The following INSM1 variants were observed in gnomAD, a reference collection of about 807,000 sequenced individuals.
INSM1 encodes the protein INSM transcriptional repressor 1.
In INSM1, 11 loss-of-function variants were observed where a neutral mutation model predicts 21.1. The observed-to-expected ratio is 0.52, with a 90% CI of 0.33 to 0.86. The LOEUF (loss-of-function observed/expected upper bound fraction) is 0.86. Ranked by LOEUF, INSM1 falls within the 40% of genes least tolerant of loss-of-function variation. The probability of loss-of-function intolerance (pLI) is 0.03; values close to 1 mark genes in which losing one functional copy is unlikely to be tolerated. For missense variants in INSM1, 843 were observed against 760.1 expected (o/e 1.11, Z -1.28); for synonymous variants, 473 against 386.1 (o/e 1.23, Z -2.64).
Position 20,368,693 on chromosome 20 carries a change from CGGCGGCGGCGCGAGCGGAGCTGGCGGA to C in INSM1, c.433_459del (p.Gly145_Gly153del). On this transcript the variant is annotated inframe_deletion, in exon 1 of 1. Coordinates refer to ENST00000310227, the MANE Select transcript of INSM1 (RefSeq NM_002196.3). The surrounding 1 kb of genome is among the most constrained non-coding windows in gnomAD (Gnocchi z 4.3). ...CCGCCGCGCTGCTCGGAGGGGGCGGCGGCGGCGGCGCGAGCGGAGCTGGCGGAGGCGGCACCTGCGGCGGCGACCCGC... is the reference window on the plus strand; with the variant it reads ...CCGCCGCGCTGCTCGGAGGGGGCGGCGGCGGCACCTGCGGCGGCGACCCGC... 7.7e-7 allele frequency: 1 copy of C among 1,293,464 alleles called. No individual in the cohort carries two copies. The highest frequency in any genetic ancestry group is 9.9e-7 in the Non-Finnish European group (1 of 1,006,400). 80.1% of individuals were successfully genotyped at this position (1,293,464 alleles called of 1,614,324 possible). A position where few individuals can be genotyped will look rare whatever the true frequency, so the allele number is the denominator to read the frequency against.
rs201280847 is a variant in INSM1, at chr20:20,369,771, C to T, written c.1504C>T (p.Leu502=). ...ATCCGAAAACAGACAGGTGATCCTC[C>T]TGCAGGTGCCCGTGCGCCCGGCCTG... The part of the protein sequence containing the change: ...HPSENRQVIL[L]QVPVRPAC The change falls in exon 1 of 1, where the codon CTG becomes TTG. Residue 502 remains leucine, a synonymous_variant. Transcript: ENST00000310227. The surrounding 1 kb of genome is among the most constrained non-coding windows in gnomAD (Gnocchi z 5.6). 2 of 1,600,528 alleles carry T rather than the reference C, an allele frequency of 1.2e-6. No homozygotes were observed. Among genetic ancestry groups the T allele is most frequent in the African/African-American group, 2.7e-5 (2 of 74,634 alleles).
chr20:20,370,016 T>G lies in INSM1; in HGVS notation c.*216T>G. 1.9e-6 allele frequency: 1 copy of G among 531,456 alleles called. No individual in the cohort carries two copies. Among genetic ancestry groups the G allele is most frequent in the South Asian group, 3.1e-5 (1 of 32,526 alleles). 32.9% of individuals were successfully genotyped at this position (531,456 alleles called of 1,614,324 possible). A position where few individuals can be genotyped will look rare whatever the true frequency, so the allele number is the denominator to read the frequency against. ...TTGGAACCCCCACTTTTACGTTGTGTCCCTCCGCCTCCCCCATGGCGCAAC... is the reference window on the plus strand; with the variant it reads ...TTGGAACCCCCACTTTTACGTTGTGGCCCTCCGCCTCCCCCATGGCGCAAC... On this transcript the variant is annotated 3_prime_UTR_variant, in exon 1 of 1. Transcript: ENST00000310227.
rs766078029 is a variant in INSM1, at chr20:20,368,669, C to A, written c.402C>A (p.Pro134=). The change falls in exon 1 of 1, where the codon CCC becomes CCA. Residue 134 remains proline (P), a synonymous_variant. Coordinates refer to ENST00000310227, the MANE Select transcript of INSM1 (RefSeq NM_002196.3). This position sits in a 1 kb window ranked among gnomAD's most constrained non-coding sequence, Gnocchi z 4.3. ...SPVSAESFPT[P]AALLGGGGGG... Reference sequence around the variant, plus strand: ...TCTCGGCCGAGTCCTTCCCCACGCCCGCCGCGCTGCTCGGAGGGGGCGGCG... The same window carrying A: ...TCTCGGCCGAGTCCTTCCCCACGCCAGCCGCGCTGCTCGGAGGGGGCGGCG... 2 of 1,395,616 alleles carry A rather than the reference C, an allele frequency of 1.4e-6. No individual in the cohort carries two copies. Among genetic ancestry groups the A allele is most frequent in the Non-Finnish European group, 1.9e-6 (2 of 1,056,490 alleles). 86.5% of individuals were successfully genotyped at this position (1,395,616 alleles called of 1,614,324 possible). A position where few individuals can be genotyped will look rare whatever the true frequency, so the allele number is the denominator to read the frequency against.
chr20:20,368,506 C>A lies in INSM1; in HGVS notation c.239C>A (p.Pro80Gln), dbSNP rs1327756617. 2 of 1,212,224 alleles carry A rather than the reference C, an allele frequency of 1.6e-6. No individual in the cohort carries two copies. Among genetic ancestry groups the A allele is most frequent in the Non-Finnish European group, 1.0e-6 (1 of 959,368 alleles). 75.1% of individuals were successfully genotyped at this position (1,212,224 alleles called of 1,614,324 possible). The change falls in exon 1 of 1, where the codon CCG becomes CAG. Residue 80 changes from proline to glutamine, a missense_variant. Pro to Gln is a moderately conservative substitution (Grantham distance 76, BLOSUM62 -1). Coordinates refer to ENST00000310227, the MANE Select transcript of INSM1 (RefSeq NM_002196.3). This position sits in a 1 kb window ranked among gnomAD's most constrained non-coding sequence, Gnocchi z 4.3. ...LACAPGPQPPPQGPRAAHFGN... is the reference protein window; with the variant it reads ...LACAPGPQPPQQGPRAAHFGN... Reference sequence around the variant, plus strand: ...TGCGCGCCTGGGCCGCAGCCACCCCCGCAGGGCCCGCGGGCCGCGCACTTC... The same window carrying A: ...TGCGCGCCTGGGCCGCAGCCACCCCAGCAGGGCCCGCGGGCCGCGCACTTC...
Position 20,369,913 on chromosome 20 carries a change from C to G in INSM1, c.*113C>G. 1.1e-6 allele frequency: 1 copy of G among 889,784 alleles called. No homozygotes were observed. Among genetic ancestry groups the G allele is most frequent in the Non-Finnish European group, 1.7e-6 (1 of 595,244 alleles). 55.1% of individuals were successfully genotyped at this position (889,784 alleles called of 1,614,324 possible). A position where few individuals can be genotyped will look rare whatever the true frequency, so the allele number is the denominator to read the frequency against. On this transcript the variant is annotated 3_prime_UTR_variant, in exon 1 of 1. Coordinates refer to ENST00000310227, the MANE Select transcript of INSM1 (RefSeq NM_002196.3). This position sits in a 1 kb window ranked among gnomAD's most constrained non-coding sequence, Gnocchi z 5.6. ...CGCGCTGGGGGAGCCTCGCCCCCGC[C>G]CCCACCGGGTGAAAGTGTCGTCTCC...
rs2059494356 is a variant in INSM1 at position 20,370,032 on chromosome 20, A to G, written c.*232A>G. 6.0e-6 allele frequency: 3 copies of G among 499,086 alleles called. No homozygotes were observed. The highest frequency in any genetic ancestry group is 3.9e-5 in the Admixed American group (1 of 25,914). The allele number at this position is 499,086 out of a possible 1,614,324, so 30.9% of individuals were successfully genotyped here. A position where few individuals can be genotyped will look rare whatever the true frequency, so the allele number is the denominator to read the frequency against. ...TACGTTGTGTCCCTCCGCCTCCCCC[A>G]TGGCGCAACAGGAGTCAGTCTCTTT... On this transcript the variant is annotated 3_prime_UTR_variant, in exon 1 of 1. Coordinates refer to ENST00000310227, the MANE Select transcript of INSM1 (RefSeq NM_002196.3).
In INSM1 at chr20:20,369,697, C is replaced by T. The variant is rs143026654; in HGVS notation, c.1430C>T (p.Thr477Ile). ...TTCCCCTGCAAGTACTGCCCGGCCA[C>T]CTTCTACAGCTCGCCCGGCCTTACG... The part of the protein sequence containing the change: ...QVFPCKYCPA[T>I]FYSSPGLTRH... The change falls in exon 1 of 1, where the codon ACC becomes ATC. Residue 477 changes from threonine to isoleucine, a missense_variant. By Grantham distance (89) the Thr-to-Ile change is moderately conservative. Transcript: ENST00000310227. The surrounding 1 kb of genome is among the most constrained non-coding windows in gnomAD (Gnocchi z 5.6). The T allele has an allele frequency of 1.0e-5, 16 of 1,600,854 alleles. No individual in the cohort carries two copies. In the African/African-American group the frequency reaches 1.3e-4, roughly 13 times the overall value.
chr20:20,368,202 G>A lies in INSM1; in HGVS notation c.-66G>A. ...GCCCGGGCAATGGGCCGGGGGCACT[G>A]AGGGCCGCCGGGGCCGAGCGCGGAG... On this transcript the variant is annotated 5_prime_UTR_variant, in exon 1 of 1. It removes the in-frame stop codon of an upstream open reading frame in the 5' UTR. Transcript: ENST00000310227. This position sits in a 1 kb window ranked among gnomAD's most constrained non-coding sequence, Gnocchi z 4.3. 1 of 1,045,224 alleles carries A rather than the reference G, an allele frequency of 9.6e-7. No individual in the cohort carries two copies. 64.7% of individuals were successfully genotyped at this position (1,045,224 alleles called of 1,614,324 possible).
rs746414893 is a variant in INSM1, at chr20:20,368,687, GGGC to G, written c.434_436del (p.Gly145del). 349 of 1,308,246 alleles carry G rather than the reference GGGC, an allele frequency of 2.7e-4. No individual in the cohort carries two copies. The highest frequency in any genetic ancestry group is 1.3e-3 in the South Asian group (70 of 52,960). The allele number at this position is 1,308,246 out of a possible 1,614,324, so 81.0% of individuals were successfully genotyped here. On this transcript the variant is annotated inframe_deletion, in exon 1 of 1. Coordinates refer to ENST00000310227, the MANE Select transcript of INSM1 (RefSeq NM_002196.3). The surrounding 1 kb of genome is among the most constrained non-coding windows in gnomAD (Gnocchi z 4.3). ...CCACGCCCGCCGCGCTGCTCGGAGG[GGGC>G]GGCGGCGGCGGCGCGAGCGGAGCTG... is the stretch of plus-strand genomic sequence containing the variant.
At position 20,368,374 on chromosome 20, in the gene INSM1, GC is replaced by G; in HGVS notation, c.108del (p.Cys36TrpfsTer71). 1.8e-6 allele frequency: 2 copies of G among 1,098,036 alleles called. No individual in the cohort carries two copies. The highest frequency in any genetic ancestry group is 2.7e-5 in the South Asian group (1 of 36,922). 68.0% of individuals were successfully genotyped at this position (1,098,036 alleles called of 1,614,324 possible). On this transcript the variant is annotated frameshift_variant, in exon 1 of 1. Transcript: ENST00000310227. LOFTEE classifies it low-confidence loss of function (END_TRUNC). The surrounding 1 kb of genome is among the most constrained non-coding windows in gnomAD (Gnocchi z 4.3). ...CGCGCACTGCTGCTCTCGCCCAGCT[GC>G]GGGGGCGCCCGCGCCGAGCCCCCGG... The part of the protein sequence containing the change: ...GDRALLLSPS[C>X]GGARAEPPAP...
Position 20,369,567 on chromosome 20 carries a change from C to G in INSM1, c.1300C>G (p.Leu434Val). 1.3e-6 allele frequency: 2 copies of G among 1,595,486 alleles called. No homozygotes were observed. The highest frequency in any genetic ancestry group is 1.1e-5 in the South Asian group (1 of 90,482). The change falls in exon 1 of 1, where the codon CTG (leucine) becomes GTG (valine). Residue 434 changes from leucine (L) to valine (V), a missense_variant. Leu to Val is a conservative substitution (Grantham distance 32). Coordinates refer to ENST00000310227, the MANE Select transcript of INSM1 (RefSeq NM_002196.3). The surrounding 1 kb of genome is among the most constrained non-coding windows in gnomAD (Gnocchi z 5.6). ...CGGCGAGGGGGCCGGCGTGCTGGGC[C>G]TGAGTGCGTCCGCCGAGTGCCACCT... is the stretch of plus-strand genomic sequence containing the variant. ...GDGEGAGVLG[L>V]SASAECHLCP...
At position 20,368,967 on chromosome 20, in the gene INSM1, G is replaced by T; in HGVS notation, c.700G>T (p.Glu234Ter). The change falls in exon 1 of 1, where the codon GAG becomes TAG. Residue 234 changes from glutamate (E) to a stop codon, truncating the protein, a stop_gained. Coordinates refer to ENST00000310227, the MANE Select transcript of INSM1 (RefSeq NM_002196.3). LOFTEE classifies it high-confidence loss of function. This position sits in a 1 kb window ranked among gnomAD's most constrained non-coding sequence, Gnocchi z 4.3. The stretch of plus-strand genomic sequence containing the variant: ...CATCCGCAAGCTGCACTTCGAGGAC[G>T]AGGTGACCACGTCGCCCGTGCTGGG... ...KAIRKLHFED[E>*]VTTSPVLGLK... 1 of 1,556,124 alleles carries T rather than the reference G, an allele frequency of 6.4e-7. No homozygotes were observed. The highest frequency in any genetic ancestry group is 2.5e-5 in the East Asian group (1 of 39,972).
rs2059482511 is a variant in INSM1, at chr20:20,368,170, C to A, written c.-98C>A. On this transcript the variant is annotated 5_prime_UTR_variant, in exon 1 of 1. Coordinates refer to ENST00000310227, the MANE Select transcript of INSM1 (RefSeq NM_002196.3). The surrounding 1 kb of genome is among the most constrained non-coding windows in gnomAD (Gnocchi z 4.3). ...CGCCGGCGCCACGCGAGTCCCGCAGCCGCCGCGCCCGGGCAATGGGCCGGG... is the reference window on the plus strand; with the variant it reads ...CGCCGGCGCCACGCGAGTCCCGCAGACGCCGCGCCCGGGCAATGGGCCGGG... The A allele has an allele frequency of 3.3e-6, 3 of 919,058 alleles. No individual in the cohort carries two copies. Among genetic ancestry groups the A allele is most frequent in the African/African-American group, 1.8e-5 (1 of 55,748 alleles). The allele number at this position is 919,058 out of a possible 1,614,324, so 56.9% of individuals were successfully genotyped here.
chr20:20,368,739 G>T lies in INSM1; in HGVS notation c.472G>T (p.Asp158Tyr), dbSNP rs1311923595. ...GAGGGGTCGG[D>Y]PLLFAPAELK... ...TGGCGGAGGCGGCACCTGCGGCGGC[G>T]ACCCGCTGCTCTTCGCGCCCGCCGA... Residue 158 changes from aspartate to tyrosine, a missense_variant, in exon 1 of 1, where the codon GAC becomes TAC. Coordinates refer to ENST00000310227, the MANE Select transcript of INSM1 (RefSeq NM_002196.3). This position sits in a 1 kb window ranked among gnomAD's most constrained non-coding sequence, Gnocchi z 4.3. 4 of 1,177,234 alleles carry T rather than the reference G, an allele frequency of 3.4e-6. No individual in the cohort carries two copies. Among genetic ancestry groups the T allele is most frequent in the South Asian group, 3.8e-5 (1 of 26,196 alleles). The allele number at this position is 1,177,234 out of a possible 1,614,324, so 72.9% of individuals were successfully genotyped here. A position where few individuals can be genotyped will look rare whatever the true frequency, so the allele number is the denominator to read the frequency against.
In INSM1 at chr20:20,368,250, C is replaced by A; in HGVS notation, c.-18C>A. On this transcript the variant is annotated 5_prime_UTR_variant, in exon 1 of 1. Coordinates refer to ENST00000310227, the MANE Select transcript of INSM1 (RefSeq NM_002196.3). This position sits in a 1 kb window ranked among gnomAD's most constrained non-coding sequence, Gnocchi z 4.3. Reference sequence around the variant, plus strand: ...GAGGGGGGACCGAGCCAGTGCCGTGCCCTCGGGCCGCGCCAACATGCCCCG... The same window carrying A: ...GAGGGGGGACCGAGCCAGTGCCGTGACCTCGGGCCGCGCCAACATGCCCCG... The A allele has an allele frequency of 8.2e-7, 1 of 1,213,394 alleles. No individual in the cohort carries two copies. Among genetic ancestry groups the A allele is most frequent in the African/African-American group, 1.6e-5 (1 of 61,882 alleles). The allele number at this position is 1,213,394 out of a possible 1,614,324, so 75.2% of individuals were successfully genotyped here. A position where few individuals can be genotyped will look rare whatever the true frequency, so the allele number is the denominator to read the frequency against.
chr20:20,368,163 C>A lies in INSM1; in HGVS notation c.-105C>A. ...GAGCCGTCGCCGGCGCCACGCGAGT[C>A]CCGCAGCCGCCGCGCCCGGGCAATG... On this transcript the variant is annotated 5_prime_UTR_variant, in exon 1 of 1. Transcript: ENST00000310227. The surrounding 1 kb of genome is among the most constrained non-coding windows in gnomAD (Gnocchi z 4.3). 2.3e-6 allele frequency: 2 copies of A among 874,374 alleles called. No homozygotes were observed. Among genetic ancestry groups the A allele is most frequent in the Non-Finnish European group, 2.8e-6 (2 of 718,344 alleles). 54.2% of individuals were successfully genotyped at this position (874,374 alleles called of 1,614,324 possible).
rs2059496644 is a variant in INSM1 at position 20,370,579 on chromosome 20, C to A, written c.*779C>A. 6.0e-6 allele frequency: 1 copy of A among 166,834 alleles called. No homozygotes were observed. The highest frequency in any genetic ancestry group is 2.4e-5 in the African/African-American group (1 of 41,378). The allele number at this position is 166,834 out of a possible 1,614,324, so 10.3% of individuals were successfully genotyped here. On this transcript the variant is annotated 3_prime_UTR_variant, in exon 1 of 1. Transcript: ENST00000310227. ...GATTTATGAGTAATTGTTATTTATTCTTTATTTATTTATATTAATTATGAA... is the reference window on the plus strand; with the variant it reads ...GATTTATGAGTAATTGTTATTTATTATTTATTTATTTATATTAATTATGAA...
Position 20,368,888 on chromosome 20 carries a change from C to T in INSM1, c.621C>T (p.Ala207=), listed in dbSNP as rs1030938566. ...PPGKRPPPPT[A]AEPPAKAVKA... is the part of the protein sequence containing the mutation. ...GAAAGCGGCCCCCGCCCCCTACCGC[C>T]GCGGAGCCGCCCGCCAAGGCAGTCA... Residue 207 remains alanine (A), a synonymous_variant, in exon 1 of 1, where the codon GCC becomes GCT. Coordinates refer to ENST00000310227, the MANE Select transcript of INSM1 (RefSeq NM_002196.3). This position sits in a 1 kb window ranked among gnomAD's most constrained non-coding sequence, Gnocchi z 4.3. The T allele has an allele frequency of 6.8e-7, 1 of 1,466,252 alleles. No individual in the cohort carries two copies. The highest frequency in any genetic ancestry group is 9.0e-7 in the Non-Finnish European group (1 of 1,110,824). The allele number at this position is 1,466,252 out of a possible 1,614,324, so 90.8% of individuals were successfully genotyped here.
rs779926500 is a variant in INSM1, at chr20:20,369,243, G to T, written c.976G>T (p.Ala326Ser). The change falls in exon 1 of 1, where the codon GCC becomes TCC. Residue 326 changes from alanine to serine, a missense_variant. Ala to Ser is a moderately conservative substitution (Grantham distance 99). Coordinates refer to ENST00000310227, the MANE Select transcript of INSM1 (RefSeq NM_002196.3). This position sits in a 1 kb window ranked among gnomAD's most constrained non-coding sequence, Gnocchi z 5.6. Reference sequence around the variant, plus strand: ...CAAACCGCGGCCCGCGCCCGCCGCCGCCCGCGCGCCGGAGCCAGAAGCAGC... The same window carrying T: ...CAAACCGCGGCCCGCGCCCGCCGCCTCCCGCGCGCCGGAGCCAGAAGCAGC... Reference protein sequence around the residue: ...WHKPRPAPAAARAPEPEAAAR... With the variant: ...WHKPRPAPAASRAPEPEAAAR... 1 of 1,443,642 alleles carries T rather than the reference G, an allele frequency of 6.9e-7. No homozygotes were observed. Among genetic ancestry groups the T allele is most frequent in the South Asian group, 1.4e-5 (1 of 71,112 alleles). The allele number at this position is 1,443,642 out of a possible 1,614,324, so 89.4% of individuals were successfully genotyped here.
Sources: allele counts gnomAD v4.1 joint callset, GRCh38; gene constraint gnomAD v4.1.1; non-coding constraint Gnocchi (gnomAD v3.1); transcripts MANE v1.5; gene names NCBI Gene and HGNC (gene_info 2026-07-23, HGNC 2026-07-21).